The following HSD17B4 variants were observed in gnomAD, a reference collection of about 807,000 sequenced individuals.
HSD17B4 encodes hydroxysteroid 17-beta dehydrogenase 4, also known as peroxisomal multifunctional enzyme type 2.
HSD17B4 carries 70 observed loss-of-function variants against 101.0 expected under a neutral mutation model. That is an observed-to-expected ratio of 0.69 (90% CI 0.57 to 0.85). The LOEUF is 0.85. HSD17B4 is among the 40% of genes least tolerant of loss of function. The pLI, the probability that HSD17B4 is intolerant of heterozygous loss-of-function variation, is 0.00. For missense variants in HSD17B4, 984 were observed against 892.4 expected (o/e 1.10, Z -1.31); for synonymous variants, 347 against 297.1 (o/e 1.17, Z -1.73).
At chr5:119,514,211 TTA>T (rs1030594525) in intron 16 of HSD17B4, among the ~76,000 whole-genome samples, 3 of 152,192 alleles carry the variant, frequency 2.0e-5, no homozygotes, top group Non-Finnish European at 2.9e-5. Context: ...TGATCTTTTT[TTA>T]TGTTTTGGGT....
At chr5:119,525,730 C>A in intron 18 of HSD17B4, 187 bp from the exon 19 acceptor site, 70 of 408,630 alleles carry the variant, frequency 1.7e-4, no homozygotes, top group Non-Finnish European at 2.0e-4. Flanking sequence ...TTTTTTCTTT[C>A]TTTCTTTATT....
chr5:119,452,539 C>T lies in HSD17B4; in HGVS notation c.-37C>T, dbSNP rs1205180388. The T allele has an allele frequency of 1.9e-6, 3 of 1,613,744 alleles. No homozygotes were observed. The highest frequency in any genetic ancestry group is 2.5e-6 in the Non-Finnish European group (3 of 1,179,988). On this transcript the variant is annotated 5_prime_UTR_variant, in exon 1 of 24. Coordinates refer to ENST00000510025, the MANE Select transcript of HSD17B4 (RefSeq NM_000414.4). ...GTCCCGCAGTCGGCGTCCAGCGGCT[C>T]TGCTTGTTCGTGTGTGTGTCGTTGC...
chr5:119,500,904 G>A (rs1272669043), intron 13 of HSD17B4, among the ~76,000 whole-genome samples: 1 of 152,108 alleles, frequency 6.6e-6, no homozygotes, highest in Admixed American at 6.6e-5. Context: ...TTATGAGCCT[G>A]GTAATAATTT....
At chr5:119,530,845 CAAAAAAA>C (rs11423247) in intron 21 of HSD17B4, among the ~76,000 whole-genome samples, 1 of 56,348 alleles carries the variant, frequency 1.8e-5, no homozygotes, top group African/African-American at 6.8e-5. Context: ...AAGTCTGTCT[CAAAAAAA>C]AAAAAAAAAA....
chr5:119,534,205 G>C (rs1312969834), intron 22 of HSD17B4, among the ~76,000 whole-genome samples: 1 of 151,928 alleles, frequency 6.6e-6, no homozygotes, highest in Non-Finnish European at 1.5e-5. Flanking sequence ...TCCATTATAG[G>C]AACATAAGTG....
intron 17 of HSD17B4, among the ~76,000 whole-genome samples, chr5:119,521,893 G>T (rs1276742741): frequency 6.7e-6 from 1 of 149,874 alleles, no homozygotes; most frequent in Non-Finnish European, 1.5e-5. Context: ...TTTACTAAAA[G>T]GTTTTGTTTT....
intron 21 of HSD17B4, 32 bp downstream of exon 21, chr5:119,530,012 T>TC: frequency 7.8e-7 from 1 of 1,279,604 alleles, no homozygotes; most frequent in Non-Finnish European, 1.1e-6. Context: ...CCAAGCCACT[T>TC]CCTCATTTAG....
At chr5:119,541,768 T>C in intron 23 of HSD17B4, 137 bp from the exon 24 acceptor site, 1 of 652,506 alleles carries the variant, frequency 1.5e-6, no homozygotes. Context: ...AAATTGTCAT[T>C]GCTAAATAAA....
chr5:119,521,652 G>A (rs1356693176), intron 17 of HSD17B4, among the ~76,000 whole-genome samples: 2 of 151,338 alleles, frequency 1.3e-5, no homozygotes, highest in Non-Finnish European at 3.0e-5. Flanking sequence ...TCTCCTTTGG[G>A]TACCTTATAA....
intron 17 of HSD17B4, among the ~76,000 whole-genome samples, chr5:119,517,026 C>T (rs537769570): frequency 3.9e-5 from 6 of 152,380 alleles, no homozygotes; most frequent in African/African-American, 1.4e-4. Flanking sequence ...CCCATCAGCC[C>T]ACCGCTGCAC....
intron 23 of HSD17B4, among the ~76,000 whole-genome samples, chr5:119,541,144 TCTGTATCAGG>T (rs992102097): frequency 3.9e-5 from 6 of 152,226 alleles, no homozygotes; most frequent in African/African-American, 1.4e-4. Flanking sequence ...TGCACCAGTT[TCTGTATCAGG>T]TTAGATACAA....
At chr5:119,495,119 A>G (rs1185163313) in intron 11 of HSD17B4, among the ~76,000 whole-genome samples, 1 of 152,076 alleles carries the variant, frequency 6.6e-6, no homozygotes, top group Non-Finnish European at 1.5e-5. Context: ...TCTCAATCAG[A>G]TGATAACATG....
chr5:119,500,165 A>G (rs1453993931), intron 13 of HSD17B4, among the ~76,000 whole-genome samples: 2 of 152,110 alleles, frequency 1.3e-5, no homozygotes, highest in Non-Finnish European at 2.9e-5. Flanking sequence ...AGACTAGGTT[A>G]TAAGGGAGTC....
At chr5:119,539,293 G>T (rs1398423028) in intron 23 of HSD17B4, among the ~76,000 whole-genome samples, 2 of 152,054 alleles carry the variant, frequency 1.3e-5, no homozygotes, top group Non-Finnish European at 2.9e-5. Flanking sequence ...GTAGGGACAT[G>T]GATGAAGCTG....
At chr5:119,462,314 A>G (rs1216480230) in intron 2 of HSD17B4, among the ~76,000 whole-genome samples, 1 of 132,456 alleles carries the variant, frequency 7.5e-6, no homozygotes, top group East Asian at 2.0e-4. Flanking sequence ...TTTTTAGGGT[A>G]AAAGAAACTT....
intron 2 of HSD17B4, among the ~76,000 whole-genome samples, chr5:119,471,364 A>T (rs961690567): frequency 2.0e-5 from 3 of 152,174 alleles, no homozygotes; most frequent in African/African-American, 7.2e-5. Context: ...AAAAAATCTC[A>T]GTCCACATTT....
chr5:119,512,715 G>A (rs551135439), intron 16 of HSD17B4, among the ~76,000 whole-genome samples: 1 of 152,294 alleles, frequency 6.6e-6, no homozygotes, highest in East Asian at 1.9e-4. Flanking sequence ...CCTAAATAAA[G>A]TTCTTCAGAT....
intron 13 of HSD17B4, among the ~76,000 whole-genome samples, chr5:119,500,964 A>C (rs1751104295): frequency 6.6e-6 from 1 of 151,904 alleles, no homozygotes. Flanking sequence ...CTGATTGGAG[A>C]ACTTATTTAC....
intron 2 of HSD17B4, among the ~76,000 whole-genome samples, chr5:119,465,348 A>G (rs1755700898): frequency 6.6e-6 from 1 of 152,318 alleles, no homozygotes; most frequent in East Asian, 1.9e-4. Context: ...CTTAACACCA[A>G]CCCATTGGTG....
Sources: allele counts gnomAD v4.1 joint callset (sites outside exome capture counted in the v4.1 genomes callset), GRCh38; gene constraint gnomAD v4.1.1; transcripts MANE v1.5; gene names NCBI Gene and HGNC (gene_info 2026-07-23, HGNC 2026-07-21).